The following COL27A1 variants were observed in gnomAD, a reference collection of about 807,000 sequenced individuals.
The protein encoded by COL27A1 is collagen type XXVII alpha 1 chain.
COL27A1 carries 106 observed loss-of-function variants against 251.3 expected under a neutral mutation model. That is an observed-to-expected ratio of 0.42 (90% CI 0.36 to 0.50). The LOEUF is 0.50. COL27A1 is among the 20% of genes least tolerant of loss of function. The pLI, the probability that COL27A1 is intolerant of heterozygous loss-of-function variation, is 0.00. For missense variants in COL27A1, 2,325 were observed against 2,522.8 expected (o/e 0.92, Z 1.68); for synonymous variants, 1,000 against 986.3 (o/e 1.01, Z -0.26).
At chr9:114,266,517 G>A (rs368766113) in intron 32 of COL27A1, 48 bp from the exon 33 acceptor site, 58 of 1,555,140 alleles carry the variant, frequency 3.7e-5, no homozygotes, top group Non-Finnish European at 5.1e-5. Flanking sequence ...CCCAAAGAGG[G>A]CCCAGGCTGA....
chr9:114,157,585 T>C (rs1011054172), intron 1 of COL27A1, among the ~76,000 whole-genome samples: 3 of 152,242 alleles, frequency 2.0e-5, no homozygotes, highest in African/African-American at 7.2e-5. Context: ...CTGTTCTTTG[T>C]TGGCATTTTC....
In COL27A1 at chr9:114,204,466, C is replaced by A. The variant is rs369162580; in HGVS notation, c.2125-636C>A. Among the ~76,000 whole-genome samples, 3 of 152,218 alleles carry A rather than the reference C, an allele frequency of 2.0e-5. No individual in the cohort carries two copies. In the East Asian group the frequency reaches 5.8e-4, roughly 29 times the overall value. On this transcript the variant is annotated intron_variant, in intron 7 of 60. Transcript: ENST00000356083. Reference sequence around the variant, plus strand: ...GGCCTGGCCTGGACATGCCTTTTGGCCATCAGGACAGAGGGTCAAGGTTGG... The same window carrying A: ...GGCCTGGCCTGGACATGCCTTTTGGACATCAGGACAGAGGGTCAAGGTTGG...
At chr9:114,197,984 T>C (rs929888455) in intron 7 of COL27A1, among the ~76,000 whole-genome samples, 1 of 152,230 alleles carries the variant, frequency 6.6e-6, no homozygotes, top group African/African-American at 2.4e-5. Flanking sequence ...CCATTGTAGA[T>C]GGTCTTTCCT....
intron 3 of COL27A1, among the ~76,000 whole-genome samples, chr9:114,175,387 C>T (rs10759684): frequency 0.67 from 102,194 of 152,154 alleles, 34,548 homozygotes; most frequent in South Asian, 0.8. Flanking sequence ...TTTTCCACTG[C>T]GGAGAGAACA....
chr9:114,283,654 T>A (rs889968007), intron 39 of COL27A1, 55 bp from the exon 40 acceptor site: 1 of 1,537,660 alleles, frequency 6.5e-7, no homozygotes, highest in African/African-American at 1.4e-5. Context: ...GAGACTGCTG[T>A]GTCCCCGCTG....
upstream of COL27A1, among the ~76,000 whole-genome samples, chr9:114,154,620 C>T (rs898771341): frequency 3.9e-5 from 6 of 152,104 alleles, no homozygotes; most frequent in African/African-American, 1.4e-4. This position sits in a 1 kb window ranked among gnomAD's most constrained non-coding sequence, Gnocchi z 5.8. Context: ...TGTAAGCATC[C>T]GTGTGCATGC....
intron 28 of COL27A1, among the ~76,000 whole-genome samples, chr9:114,263,691 C>T (rs951105709): frequency 6.6e-6 from 1 of 152,156 alleles, no homozygotes; most frequent in Admixed American, 6.5e-5. Context: ...CTGGGGTCTC[C>T]CAGCAATCAG....
At chr9:114,206,192 G>T in intron 9 of COL27A1, 60 bp from the exon 10 acceptor site, 1 of 1,554,904 alleles carries the variant, frequency 6.4e-7, no homozygotes, top group Non-Finnish European at 8.9e-7. Flanking sequence ...ACTTGCCCCA[G>T]GATTGGCAGC....
At chr9:114,246,235 G>A (rs1414135985) in intron 24 of COL27A1, 10 of 261,240 alleles carry the variant, frequency 3.8e-5, no homozygotes, top group South Asian at 7.7e-5. Context: ...CTTGGCAGTC[G>A]TTGCTCGTGT....
Position 114,168,054 on chromosome 9 carries a change from A to G in COL27A1, c.499A>G (p.Thr167Ala), listed in dbSNP as rs938819171. Residue 167 changes from threonine (T) to alanine (A), a missense_variant, in exon 3 of 61, where the codon ACA (threonine) becomes GCA (alanine). Physicochemically the swap from Thr to Ala is moderately conservative, Grantham distance 58 (BLOSUM62 0). Around this residue, in one of 4 missense-constraint regions of COL27A1, gnomAD observed 1,183 missense variants for 1,144.1 expected, o/e 1.03. Transcript: ENST00000356083. ...HHLALELRGR[T>A]VTLVTACGQR... is the part of the protein sequence containing the mutation. ...CCTGGCCCTCGAGCTCCGAGGCCGC[A>G]CAGTCACTCTGGTGACTGCCTGCGG... 1 of 1,608,232 alleles carries G rather than the reference A, an allele frequency of 6.2e-7. No homozygotes were observed.
intron 12 of COL27A1, among the ~76,000 whole-genome samples, chr9:114,213,412 C>T (rs1437135810): frequency 6.6e-6 from 1 of 152,186 alleles, no homozygotes; most frequent in Non-Finnish European, 1.5e-5. Flanking sequence ...GCTGAGAAGG[C>T]AGTCCCAGGT....
intron 24 of COL27A1, 24 bp from the exon 25 acceptor site, chr9:114,250,591 T>C (rs372190472): frequency 1.9e-5 from 30 of 1,609,230 alleles, no homozygotes; most frequent in Non-Finnish European, 2.3e-5. Context: ...TTGTTTCTCT[T>C]GCTTTCGGGA....
At chr9:114,219,525 G>A (rs550076811) in intron 12 of COL27A1, among the ~76,000 whole-genome samples, 42 of 152,312 alleles carry the variant, frequency 2.8e-4, no homozygotes, top group African/African-American at 9.4e-4. Context: ...TCTCAGAATA[G>A]GGGATTGGCA....
chr9:114,246,945 G>A (rs1833185181), intron 24 of COL27A1, among the ~76,000 whole-genome samples: 1 of 151,472 alleles, frequency 6.6e-6, no homozygotes, highest in Non-Finnish European at 1.5e-5. Context: ...TCGGGAAATA[G>A]ATATGCAGGG....
rs1157830617 is a variant in COL27A1, at chr9:114,237,016, G to C, written c.2655G>C (p.Arg885=). The change falls in exon 18 of 61, where the codon CGG becomes CGC. Residue 885 remains arginine (R), a synonymous_variant. Transcript: ENST00000356083. The part of the protein sequence containing the change: ...SQGLPGFPGA[R]GKPGPLGKVG... The stretch of plus-strand genomic sequence containing the variant: ...GGTTGCCAGGGTTCCCCGGTGCACG[G>C]GGGAAGCCAGGGCCTCTGGTAAGTA... 1.2e-6 allele frequency: 2 copies of C among 1,610,106 alleles called. No homozygotes were observed. The highest frequency in any genetic ancestry group is 1.7e-6 in the Non-Finnish European group (2 of 1,178,176).
intron 6 of COL27A1, among the ~76,000 whole-genome samples, chr9:114,195,267 T>A (rs1401663757): frequency 2.0e-5 from 3 of 152,214 alleles, no homozygotes; most frequent in Non-Finnish European, 4.4e-5. Flanking sequence ...CACGAGTTGC[T>A]TATTTCTTCA....
intron 3 of COL27A1, among the ~76,000 whole-genome samples, chr9:114,172,274 C>T (rs531032580): frequency 1.9e-4 from 29 of 152,222 alleles, no homozygotes; most frequent in African/African-American, 6.0e-4. Flanking sequence ...TCCCTTGACC[C>T]CCATATATAT....
At chr9:114,310,226 T>A (rs1355506241) in intron 60 of COL27A1, among the ~76,000 whole-genome samples, 3 of 152,056 alleles carry the variant, frequency 2.0e-5, no homozygotes, top group Non-Finnish European at 2.9e-5. Flanking sequence ...CAAAAACTTA[T>A]TGAAAAAATA....
At chr9:114,304,468 A>T in intron 56 of COL27A1, 140 bp from the exon 57 acceptor site, 1 of 709,552 alleles carries the variant, frequency 1.4e-6, no homozygotes, top group South Asian at 1.6e-5. Context: ...GTCTGCAAAG[A>T]GAGGAAGGAC....
Sources: allele counts gnomAD v4.1 joint callset (sites outside exome capture counted in the v4.1 genomes callset), GRCh38; gene constraint gnomAD v4.1.1; regional missense constraint gnomAD v4.1.1; non-coding constraint Gnocchi (gnomAD v3.1); transcripts MANE v1.5; gene names NCBI Gene and HGNC (gene_info 2026-07-23, HGNC 2026-07-21).